The following LSP1 variants were observed in gnomAD, a reference collection of about 807,000 sequenced individuals.
LSP1 encodes lymphocyte-specific protein 1.
LSP1 carries 32 observed loss-of-function variants against 49.3 expected under a neutral mutation model. That is an observed-to-expected ratio of 0.65 (90% CI 0.49 to 0.87). LSP1 has a LOEUF of 0.87. LSP1 is among the 40% of genes least tolerant of loss of function. The probability of loss-of-function intolerance (pLI) is 0.00; values close to 1 mark genes in which losing one functional copy is unlikely to be tolerated. For missense variants in LSP1, 428 were observed against 442.6 expected, an observed-to-expected ratio of 0.97 and a Z score of 0.30; for synonymous variants, 179 against 178.8, an observed-to-expected ratio of 1.00 and a Z score of -0.01.
intron 1 of LSP1, chr11:1,868,658 G>C (rs1340907189): frequency 2.0e-6 from 2 of 985,438 alleles, no homozygotes; most frequent in African/African-American, 3.5e-5. Context: ...GGGTGGGGTA[G>C]CCCCCGCCCT....
rs1256202064 is a variant in LSP1 at position 1,881,528 on chromosome 11, G to A, written c.288G>A (p.Gly96=). The change falls in exon 3 of 11, where the codon GGG becomes GGA. Residue 96 remains glycine, a synonymous_variant. Transcript: ENST00000311604. ...CAGAGCAGCGGCAGCAGCACGAGGGGGCGCAGGGCGCCTTGGACAGCGGAG... is the reference window on the plus strand; with the variant it reads ...CAGAGCAGCGGCAGCAGCACGAGGGAGCGCAGGGCGCCTTGGACAGCGGAG... The part of the protein sequence containing the change: ...QRPEQRQQHE[G]AQGALDSGEP... The A allele has an allele frequency of 6.4e-7, 1 of 1,556,088 alleles. No individual in the cohort carries two copies. The highest frequency in any genetic ancestry group is 8.7e-7 in the Non-Finnish European group (1 of 1,149,542).
chr11:1,866,138 C>T (rs924601840), intron 1 of LSP1, among the ~76,000 whole-genome samples: 1 of 152,218 alleles, frequency 6.6e-6, no homozygotes, highest in African/African-American at 2.4e-5. Flanking sequence ...TGCCCTTTCT[C>T]CTCCTCAACC....
chr11:1,887,630 C>A, intron 10 of LSP1, 54 bp downstream of exon 10: 1 of 1,478,692 alleles, frequency 6.8e-7, no homozygotes, highest in South Asian at 1.2e-5. Flanking sequence ...GTGCACTGTG[C>A]TGGGAACTTG....
chr11:1,881,301 C>G, intron 2 of LSP1, 131 bp from the exon 3 acceptor site: 1 of 890,642 alleles, frequency 1.1e-6, no homozygotes, highest in South Asian at 1.8e-5. Flanking sequence ...CAGCCCAGAG[C>G]CAGCTCTGTG....
chr11:1,866,951 GC>G, intron 1 of LSP1: 3 of 1,461,814 alleles, frequency 2.1e-6, no homozygotes. Flanking sequence ...AACCGTGTGG[GC>G]CCAGGCTCGG....
intron 1 of LSP1, among the ~76,000 whole-genome samples, chr11:1,872,504 G>A (rs1589816828): frequency 1.4e-5 from 2 of 139,302 alleles, no homozygotes; most frequent in African/African-American, 5.4e-5. Flanking sequence ...TGTGTGGTGG[G>A]CAGGCCTGGG....
chr11:1,861,750 A>G (rs1245763593), intron 1 of LSP1, among the ~76,000 whole-genome samples: 1,952 of 64,818 alleles, frequency 0.03, no homozygotes, highest in Middle Eastern at 0.071. Context: ...TTGGTGGATG[A>G]GTGGATGAGT....
intron 3 of LSP1, 88 bp downstream of exon 3, chr11:1,881,684 T>G (rs1848552332): frequency 7.2e-7 from 1 of 1,381,604 alleles, no homozygotes; most frequent in Admixed American, 3.4e-5. Context: ...CAGGGCTCCC[T>G]CTGGACCTCG....
At chr11:1,885,498 C>T (rs1848718380) in intron 7 of LSP1, among the ~76,000 whole-genome samples, 1 of 152,128 alleles carries the variant, frequency 6.6e-6, no homozygotes, top group African/African-American at 2.4e-5. Context: ...AATGCCCCTC[C>T]ATCCAATAAT....
intron 2 of LSP1, 81 bp from the exon 3 acceptor site, chr11:1,881,351 C>A (rs540647969): frequency 7.4e-7 from 1 of 1,360,302 alleles, no homozygotes; most frequent in South Asian, 1.5e-5. Context: ...AGGGCCTGAG[C>A]GGGCGCCGTG....
intron 1 of LSP1, among the ~76,000 whole-genome samples, chr11:1,877,104 C>G (rs575336680): frequency 6.6e-6 from 1 of 152,336 alleles, no homozygotes; most frequent in Non-Finnish European, 1.5e-5. Flanking sequence ...ATCCCAGAGT[C>G]CTGACAGCTC....
intron 9 of LSP1, 27 bp from the exon 10 acceptor site, chr11:1,887,447 T>TTCA (rs766790422): frequency 6.2e-7 from 1 of 1,606,966 alleles, no homozygotes; most frequent in South Asian, 1.1e-5. Flanking sequence ...TGCTCTCACC[T>TTCA]TCACTCTTGG....
In LSP1 at chr11:1,871,545, G is replaced by A. The variant is rs184853365; in HGVS notation, c.54-8542G>A. ...GGAAGCCAGGGGTAGAGGGGTTGGG[G>A]GAAACCAGGCTCCATTTTCCAGTCT... On this transcript the variant is annotated intron_variant, in intron 1 of 10. Transcript: ENST00000311604. 8,222 of 898,978 alleles carry A rather than the reference G, an allele frequency of 9.1e-3. 51 individuals carry two copies. Among genetic ancestry groups the A allele is most frequent in the East Asian group, 0.012 (104 of 8,438 alleles). 55.7% of individuals were successfully genotyped at this position (898,978 alleles called of 1,614,324 possible). A position where few individuals can be genotyped will look rare whatever the true frequency, so the allele number is the denominator to read the frequency against.
intron 1 of LSP1, among the ~76,000 whole-genome samples, chr11:1,861,570 GATAA>G (rs1238804314): frequency 6.6e-6 from 1 of 151,914 alleles, no homozygotes; most frequent in African/African-American, 2.4e-5. Flanking sequence ...ATAATGGATA[GATAA>G]ATAGATGAAT....
chr11:1,870,418 G>C (rs903639396), intron 1 of LSP1: 1 of 1,220,708 alleles, frequency 8.2e-7, no homozygotes, highest in Non-Finnish European at 1.1e-6. Flanking sequence ...TGTCTTCCCT[G>C]CACCCCCAGG....
At chr11:1,867,012 A>AGCCTG in intron 1 of LSP1, 1 of 1,208,122 alleles carries the variant, frequency 8.3e-7, no homozygotes, top group Non-Finnish European at 1.1e-6. Flanking sequence ...GCGTGGGCCC[A>AGCCTG]GGCTCAGGGC....
intron 1 of LSP1, among the ~76,000 whole-genome samples, chr11:1,879,572 C>T (rs538308060): frequency 6.6e-6 from 1 of 152,318 alleles, no homozygotes; most frequent in East Asian, 1.9e-4. Flanking sequence ...TTCGACCTCC[C>T]CTTTCTCCAA....
At chr11:1,889,748 G>A (rs1387457125) in intron 10 of LSP1, 1 of 655,758 alleles carries the variant, frequency 1.5e-6, no homozygotes, top group South Asian at 1.7e-5. Flanking sequence ...TGTGCGGTGA[G>A]GACTCCAGCG....
intron 2 of LSP1, 177 bp from the exon 3 acceptor site, chr11:1,881,249 GAGGCAT>G: frequency 1.8e-6 from 1 of 567,730 alleles, no homozygotes; most frequent in African/African-American, 1.9e-5. Flanking sequence ...ACTGACGGGG[GAGGCAT>G]AGCCCTGCCC....
Sources: allele counts gnomAD v4.1 joint callset (sites outside exome capture counted in the v4.1 genomes callset), GRCh38; gene constraint gnomAD v4.1.1; transcripts MANE v1.5; gene names NCBI Gene and HGNC (gene_info 2026-07-23, HGNC 2026-07-21).